Variants in PPFIA1 observed in about 807,000 individuals in gnomAD.
PPFIA1 encodes the protein liprin-alpha-1.
PPFIA1 carries 25 observed loss-of-function variants against 149.9 expected under a neutral mutation model. The ratio of observed to expected loss-of-function variants is 0.17; its 90% CI spans 0.12 to 0.23. The LOEUF (loss-of-function observed/expected upper bound fraction) is 0.23, where lower values mean the gene tolerates loss of function less well. Ranked by LOEUF, PPFIA1 falls within the 10% of genes least tolerant of loss-of-function variation. PPFIA1 has a pLI of 1.00. For synonymous variants in PPFIA1, 549 were observed against 552.8 expected (o/e 0.99, Z 0.10); for missense variants, 1,362 against 1,506.5 (o/e 0.90, Z 1.59).
At chr11:70,357,992 C>G (rs531752738) in intron 19 of PPFIA1, among the ~76,000 whole-genome samples, 1 of 152,226 alleles carries the variant, frequency 6.6e-6, no homozygotes, top group African/African-American at 2.4e-5. Flanking sequence ...AATTTCATTC[C>G]TTAGATTTTG....
chr11:70,278,186 G>A (rs1014311307), intron 2 of PPFIA1, among the ~76,000 whole-genome samples: 3 of 151,924 alleles, frequency 2.0e-5, no homozygotes, highest in Non-Finnish European at 4.4e-5. Flanking sequence ...TGGGATTACA[G>A]GCGTGAGCCA....
chr11:70,361,780 T>TG (rs1442690502), intron 19 of PPFIA1, among the ~76,000 whole-genome samples: 1 of 144,152 alleles, frequency 6.9e-6, no homozygotes, highest in Non-Finnish European at 1.5e-5. Context: ...CATACCTGGC[T>TG]GATTTTTTTT....
chr11:70,321,766 A>G (rs573354098), intron 2 of PPFIA1, among the ~76,000 whole-genome samples: 8 of 152,284 alleles, frequency 5.3e-5, no homozygotes, highest in Non-Finnish European at 8.8e-5. Context: ...GACAGGGACA[A>G]GATGGAGGGG....
chr11:70,349,412 C>T (rs1033834850), intron 16 of PPFIA1, among the ~76,000 whole-genome samples: 54 of 152,064 alleles, frequency 3.6e-4, no homozygotes, highest in Non-Finnish European at 8.8e-5. Flanking sequence ...GGGAGGATTG[C>T]TTGAGCTAGG....
At chr11:70,314,411 T>A (rs531647244) in intron 2 of PPFIA1, among the ~76,000 whole-genome samples, 1 of 152,288 alleles carries the variant, frequency 6.6e-6, no homozygotes, top group East Asian at 1.9e-4. Context: ...ACACCGTGTA[T>A]TCTGGTCATG....
chr11:70,341,983 G>T (rs969267002), intron 14 of PPFIA1: 66 of 152,668 alleles, frequency 4.3e-4, no homozygotes, highest in Non-Finnish European at 7.3e-4. Context: ...AAGCTGGCCT[G>T]CAGCAAGGTC....
chr11:70,318,447 C>A (rs2053757703), intron 2 of PPFIA1, among the ~76,000 whole-genome samples: 2 of 152,218 alleles, frequency 1.3e-5, no homozygotes, highest in South Asian at 4.1e-4. Flanking sequence ...AGTCACTTGA[C>A]TTACCTGCTT....
chr11:70,362,431 G>A lies in PPFIA1; in HGVS notation c.2808G>A (p.Leu936=). The change falls in exon 21 of 28, where the codon CTG becomes CTA. Residue 936 remains leucine, a synonymous_variant. Coordinates refer to ENST00000253925, the MANE Select transcript of PPFIA1 (RefSeq NM_003626.5). The part of the protein sequence containing the change: ...SNPLHRLKLR[L]AIQEIMSLTS... ...CCCTGCACAGGCTGAAGCTGAGGCT[G>A]GCCATCCAGGAGATCATGTCGCTGA... 1.9e-6 allele frequency: 3 copies of A among 1,614,166 alleles called. No homozygotes were observed. Among genetic ancestry groups the A allele is most frequent in the Non-Finnish European group, 1.7e-6 (2 of 1,180,030 alleles).
intron 24 of PPFIA1, 107 bp downstream of exon 24, chr11:70,375,200 A>C (rs2057436866): frequency 7.4e-6 from 3 of 407,566 alleles, no homozygotes; most frequent in African/African-American, 2.3e-5. Flanking sequence ...AAAAAAAAAA[A>C]AACTTCAGAC....
intron 19 of PPFIA1, among the ~76,000 whole-genome samples, chr11:70,361,106 G>T (rs1249937486): frequency 6.6e-6 from 1 of 152,220 alleles, no homozygotes; most frequent in East Asian, 1.9e-4. Context: ...GTCAGAGGGA[G>T]TCATTCAGTA....
intron 2 of PPFIA1, among the ~76,000 whole-genome samples, chr11:70,313,358 C>T (rs1395960465): frequency 1.3e-5 from 2 of 152,152 alleles, no homozygotes; most frequent in African/African-American, 2.4e-5. Flanking sequence ...TGGGCTTGAC[C>T]TTAAGGGCAA....
rs752989198 is a variant in PPFIA1 at position 70,330,283 on chromosome 11, A to G, written c.1041A>G (p.Glu347=). ...TSVHDLNDKL[E]NEIANKDSMH... is the part of the protein sequence containing the mutation. ...TGCATGACCTCAATGATAAACTTGA[A>G]AATGAAATTGCAAATAAAGATTCTA... The change falls in exon 8 of 28, where the codon GAA becomes GAG. Residue 347 remains glutamate (E), a synonymous_variant. Coordinates refer to ENST00000253925, the MANE Select transcript of PPFIA1 (RefSeq NM_003626.5). The G allele has an allele frequency of 6.3e-7, 1 of 1,582,860 alleles. No individual in the cohort carries two copies. Among genetic ancestry groups the G allele is most frequent in the South Asian group, 1.2e-5 (1 of 84,962 alleles).
In PPFIA1 at chr11:70,337,438, C is replaced by T. The variant is rs765535379; in HGVS notation, c.1491+11C>T. 1.6e-5 allele frequency: 25 copies of T among 1,573,190 alleles called. No homozygotes were observed. The highest frequency in any genetic ancestry group is 8.7e-7 in the Non-Finnish European group (1 of 1,155,056). On this transcript the variant is annotated intron_variant, in intron 12 of 27. Coordinates refer to ENST00000253925, the MANE Select transcript of PPFIA1 (RefSeq NM_003626.5). ...ACACAACACGATAAGGTACTGAAAT[C>T]TTCTCTAAATCCATGAAGAGCCAAG... is the stretch of plus-strand genomic sequence containing the variant.
chr11:70,322,296 G>A lies in PPFIA1; in HGVS notation c.265-2106G>A, dbSNP rs556212986. On this transcript the variant is annotated intron_variant, in intron 2 of 27. Transcript: ENST00000253925. ...AGATGACAGTGTTTCGTTAAAGTTA[G>A]CCATTAGATGATCTGACAGTCAGCT... is the stretch of plus-strand genomic sequence containing the variant. Among the ~76,000 whole-genome samples the A allele has an allele frequency of 2.1e-4, 32 of 152,296 alleles. No homozygotes were observed. In the South Asian group the frequency reaches 6.6e-3, roughly 32 times the overall value.
intron 2 of PPFIA1, among the ~76,000 whole-genome samples, chr11:70,316,297 C>T (rs2053623459): frequency 6.6e-6 from 1 of 152,170 alleles, no homozygotes; most frequent in Non-Finnish European, 1.5e-5. Flanking sequence ...GTCTTGAACT[C>T]CTTGCCTCAA....
rs779763702 is a variant in PPFIA1 at position 70,376,584 on chromosome 11, A to G, written c.3368A>G (p.Asp1123Gly). ...EFNNLLVMGT[D>G]RRFDEDDDKS... Reference sequence around the variant, plus strand: ...AACAACCTTTTGGTCATGGGGACTGATAGAAGGTTTGATGAAGTAAGTTTT... The same window carrying G: ...AACAACCTTTTGGTCATGGGGACTGGTAGAAGGTTTGATGAAGTAAGTTTT... The change falls in exon 25 of 28, where the codon GAT becomes GGT. Residue 1123 changes from aspartate to glycine, a missense_variant. Transcript: ENST00000253925. 1 of 1,613,648 alleles carries G rather than the reference A, an allele frequency of 6.2e-7. No individual in the cohort carries two copies. The highest frequency in any genetic ancestry group is 8.5e-7 in the Non-Finnish European group (1 of 1,179,476).
chr11:70,370,841 T>A (rs1330928591), intron 21 of PPFIA1, among the ~76,000 whole-genome samples: 1 of 152,134 alleles, frequency 6.6e-6, no homozygotes, highest in Non-Finnish European at 1.5e-5. Context: ...ATTAAAAATA[T>A]TTTCTGGTGG....
intron 2 of PPFIA1, among the ~76,000 whole-genome samples, chr11:70,286,037 T>G (rs993994622): frequency 6.6e-5 from 10 of 152,182 alleles, no homozygotes; most frequent in African/African-American, 2.4e-4. Context: ...TAGGCAGAAC[T>G]AGGGAGGTGG....
intron 12 of PPFIA1, among the ~76,000 whole-genome samples, chr11:70,338,139 A>G (rs2055093661): frequency 6.6e-6 from 1 of 152,252 alleles, no homozygotes; most frequent in African/African-American, 2.4e-5. Context: ...AAGCTTTTCT[A>G]TGACTAAGAC....
Sources: allele counts gnomAD v4.1 joint callset (sites outside exome capture counted in the v4.1 genomes callset), GRCh38; gene constraint gnomAD v4.1.1; transcripts MANE v1.5; gene names NCBI Gene and HGNC (gene_info 2026-07-23, HGNC 2026-07-21).